Variants in CFAP54 observed in about 807,000 individuals in gnomAD.
CFAP54 encodes the protein cilia and flagella associated protein 54.
CFAP54 carries 290 observed loss-of-function variants against 370.4 expected under a neutral mutation model. The ratio of observed to expected loss-of-function variants is 0.78; its 90% confidence interval spans 0.71 to 0.86. CFAP54 has a LOEUF of 0.86. CFAP54 is among the 40% of genes least tolerant of loss of function. The pLI, the probability that CFAP54 is intolerant of heterozygous loss-of-function variation, is 0.00. For missense variants in CFAP54, 3,399 were observed against 3,528.7 expected, an observed-to-expected ratio of 0.96 and a Z score of 0.93; for synonymous variants, 1,206 against 1,236.5, an observed-to-expected ratio of 0.98 and a Z score of 0.52.
At chr12:96,741,027 T>C (rs551521618) in intron 51 of CFAP54, among the ~76,000 whole-genome samples, 1 of 152,328 alleles carries the variant, frequency 6.6e-6, no homozygotes, top group African/African-American at 2.4e-5. Context: ...TGACAGGAAA[T>C]CTGAGCATTG....
At chr12:96,536,327 T>A (rs1382744956) in intron 12 of CFAP54, among the ~76,000 whole-genome samples, 1 of 152,232 alleles carries the variant, frequency 6.6e-6, no homozygotes. Context: ...AAATTTCATT[T>A]GAAAATTTGG....
rs868669633 is a variant in CFAP54 at position 96,647,609 on chromosome 12, G to A, written c.4548-266G>A. Among the ~76,000 whole-genome samples, 3 of 151,590 alleles carry A rather than the reference G, an allele frequency of 2.0e-5. No individual in the cohort carries two copies. In the South Asian group the frequency reaches 6.2e-4, roughly 32 times the overall value. Reference sequence around the variant, plus strand: ...AAATTATCGTTTCAGAGCTCACAGAGCCGGCACAGATATTTTTATTCCCAT... The same window carrying A: ...AAATTATCGTTTCAGAGCTCACAGAACCGGCACAGATATTTTTATTCCCAT... On this transcript the variant is annotated intron_variant, in intron 33 of 67. Coordinates refer to ENST00000524981, the MANE Select transcript of CFAP54 (RefSeq NM_001306084.2).
intron 32 of CFAP54, among the ~76,000 whole-genome samples, chr12:96,642,075 T>C: frequency 6.7e-6 from 1 of 150,334 alleles, no homozygotes; most frequent in Non-Finnish European, 1.5e-5. Context: ...ACTTAAAGTA[T>C]AAAAAAAAGA....
intron 50 of CFAP54, among the ~76,000 whole-genome samples, chr12:96,728,508 C>G (rs376174419): frequency 1.3e-5 from 2 of 152,110 alleles, no homozygotes; most frequent in African/African-American, 2.4e-5. Context: ...TAGTTCTCGA[C>G]CCTTGGCTTT....
rs1957024577 is a variant in CFAP54, at chr12:96,663,836, T to TG, written c.5468dup (p.Cys1823TrpfsTer10). On this transcript the variant is annotated frameshift_variant, in exon 39 of 68. Coordinates refer to ENST00000524981, the MANE Select transcript of CFAP54 (RefSeq NM_001306084.2). LOFTEE classifies it high-confidence loss of function. ...TTCACCTTTCTTTTTAAAGATAACTTGCCGAAATTTCATTGGGAAGCAGCT... is the reference window on the plus strand; with the variant it reads ...TTCACCTTTCTTTTTAAAGATAACTTGGCCGAAATTTCATTGGGAAGCAGCT... The TG allele has an allele frequency of 1.9e-6, 3 of 1,611,564 alleles. No homozygotes were observed. The highest frequency in any genetic ancestry group is 2.5e-6 in the Non-Finnish European group (3 of 1,178,648).
In CFAP54 at chr12:96,738,608, C is replaced by CTTTTT. The variant is rs71068829; in HGVS notation, c.6966-1331_6966-1327dup. Among the ~76,000 whole-genome samples the CTTTTT allele has an allele frequency of 4.8e-3, 619 of 129,086 alleles. 40 individuals carry two copies. The East Asian group carries it at 0.067, about 14-fold the overall frequency. 84.7% of individuals were successfully genotyped at this position (129,086 alleles called of 152,430 possible). Reference sequence around the variant, plus strand: ...CCAAGCACGTCTATGTCTAAATCTCCTTTTTTTTTTTTTTTTTTTTTGAAA... The same window carrying CTTTTT: ...CCAAGCACGTCTATGTCTAAATCTCCTTTTTTTTTTTTTTTTTTTTTTTTTTGAAA... On this transcript the variant is annotated intron_variant, in intron 50 of 67. Coordinates refer to ENST00000524981, the MANE Select transcript of CFAP54 (RefSeq NM_001306084.2).
chr12:96,524,354 T>C (rs1404209748), intron 8 of CFAP54, among the ~76,000 whole-genome samples: 1 of 152,118 alleles, frequency 6.6e-6, no homozygotes, highest in Non-Finnish European at 1.5e-5. Flanking sequence ...AAATAAATAA[T>C]GATAATGGTG....
In CFAP54 at chr12:96,827,200, A is replaced by T. The variant is rs1959127914; in HGVS notation, c.9097-1814A>T. 9.2e-5 allele frequency among the ~76,000 whole-genome samples: 2 copies of T among 21,678 alleles called. 1 individual carries two copies. The highest frequency in any genetic ancestry group is 1.2e-3 in the Admixed American group (2 of 1,614). 14.2% of individuals were successfully genotyped at this position (21,678 alleles called of 152,430 possible). ...TGTGCAGTTATATGTGATTATATATAATGTGCAGTTATATGTGATTATATA... is the reference window on the plus strand; with the variant it reads ...TGTGCAGTTATATGTGATTATATATTATGTGCAGTTATATGTGATTATATA... On this transcript the variant is annotated intron_variant, in intron 65 of 67. Coordinates refer to ENST00000524981, the MANE Select transcript of CFAP54 (RefSeq NM_001306084.2).
intron 32 of CFAP54, 45 bp downstream of exon 32, chr12:96,630,696 A>G: frequency 8.0e-7 from 1 of 1,248,328 alleles, no homozygotes; most frequent in Non-Finnish European, 1.1e-6. Context: ...CTTGAGGGTA[A>G]CTATGTGTTG....
At chr12:96,787,114 T>C (rs908705595) in intron 62 of CFAP54, among the ~76,000 whole-genome samples, 3 of 152,200 alleles carry the variant, frequency 2.0e-5, no homozygotes, top group Non-Finnish European at 2.9e-5. Flanking sequence ...CTTGTTCTCA[T>C]AAGTCTTTTA....
chr12:96,530,026 G>T (rs187394792), intron 9 of CFAP54, among the ~76,000 whole-genome samples: 2 of 152,288 alleles, frequency 1.3e-5, no homozygotes, highest in East Asian at 3.9e-4. Context: ...TAGAAATCAA[G>T]ATTTATATAC....
At chr12:96,591,875 A>G (rs1352425450) in intron 23 of CFAP54, among the ~76,000 whole-genome samples, 1 of 148,460 alleles carries the variant, frequency 6.7e-6, no homozygotes, top group Non-Finnish European at 1.5e-5. Context: ...TGGGCGACAG[A>G]GCGAAACTCC....
intron 26 of CFAP54, among the ~76,000 whole-genome samples, chr12:96,604,294 C>A (rs1396711916): frequency 2.0e-5 from 3 of 152,190 alleles, no homozygotes; most frequent in Non-Finnish European, 2.9e-5. Context: ...CACAGAACAG[C>A]AAATATTGCT....
At chr12:96,693,895 A>G (rs916399397) in intron 45 of CFAP54, 87 bp downstream of exon 45, 88 of 798,656 alleles carry the variant, frequency 1.1e-4, no homozygotes, top group Non-Finnish European at 7.7e-5. Context: ...ACTTATAATA[A>G]CAAGCTGATA....
intron 33 of CFAP54, among the ~76,000 whole-genome samples, 168 bp downstream of exon 33, chr12:96,644,576 G>A (rs1330886777): frequency 2.6e-5 from 4 of 152,094 alleles, no homozygotes; most frequent in African/African-American, 4.8e-5. Context: ...AGAACTTCCC[G>A]AGACTGGTAA....
chr12:96,586,160 G>T (rs1956074674), intron 22 of CFAP54, among the ~76,000 whole-genome samples: 1 of 152,156 alleles, frequency 6.6e-6, no homozygotes, highest in Non-Finnish European at 1.5e-5. Flanking sequence ...ATGACTTGGA[G>T]TACTGGTTAA....
chr12:96,813,661 G>A (rs1958947033), intron 64 of CFAP54, among the ~76,000 whole-genome samples: 1 of 152,184 alleles, frequency 6.6e-6, no homozygotes, highest in Non-Finnish European at 1.5e-5. Context: ...CCAAAATCAA[G>A]TTCCTTGCCT....
chr12:96,621,881 T>G (rs1015378771), intron 27 of CFAP54, among the ~76,000 whole-genome samples, 160 bp downstream of exon 27: 52 of 61,404 alleles, frequency 8.5e-4, no homozygotes, highest in Non-Finnish European at 1.7e-3. Flanking sequence ...GTTTGTTTTT[T>G]TTTTTTTTTT....
At chr12:96,547,359 G>A (rs1036281443) in intron 14 of CFAP54, among the ~76,000 whole-genome samples, 36 of 152,124 alleles carry the variant, frequency 2.4e-4, no homozygotes, top group Middle Eastern at 6.8e-3. Flanking sequence ...GCTAATTTTT[G>A]TATTTTTAGT....
Sources: gnomAD v4.1 joint callset for allele counts (sites outside exome capture counted in the v4.1 genomes callset) on GRCh38, gnomAD v4.1.1 for gene constraint, MANE v1.5 for transcripts, NCBI Gene and HGNC (gene_info 2026-07-23, HGNC 2026-07-21) for gene names.